KLK14: variants seen among roughly 807,000 people sequenced by gnomAD.
KLK14 encodes kallikrein-14.
Under a neutral mutation model 24.6 loss-of-function variants are expected in KLK14, and 21 were observed. The observed-to-expected ratio is 0.85, with a 90% confidence interval of 0.61 to 1.23. KLK14 has a LOEUF of 1.23. Ranked by LOEUF, KLK14 falls within the 50% of genes most tolerant of loss-of-function variation. KLK14 has a pLI of 0.00. For synonymous variants in KLK14, 133 were observed against 139.7 expected (o/e 0.95, Z 0.34); for missense variants, 320 against 338.9 (o/e 0.94, Z 0.44).
Position 51,082,814 on chromosome 19 carries a change from A to G in KLK14, c.-115T>C, listed in dbSNP as rs909755021. 1 of 1,571,666 alleles carries G rather than the reference A, an allele frequency of 6.4e-7. No homozygotes were observed. Among genetic ancestry groups the G allele is most frequent in the South Asian group, 1.1e-5 (1 of 88,100 alleles). On this transcript the variant is annotated 5_prime_UTR_variant, in exon 1 of 6. Transcript: ENST00000650543. ...GGGGCCTGCAGGCTCTGCGGGCGGC[A>G]GGTGGGAGGATGTGGAGCAGGGCAC...
rs1322425232 is a variant in KLK14 at position 51,078,798 on chromosome 19, C to T, written c.603+17G>A. On this transcript the variant is annotated intron_variant, in intron 5 of 5. Transcript: ENST00000650543. This position sits in a 1 kb window ranked among gnomAD's most constrained non-coding sequence, Gnocchi z 5.0. ...GTCCCAAATAATCCCTACCACAGCT[C>T]CCATCCTGGGCCTTACCTGACAAGA... 1.2e-6 allele frequency: 2 copies of T among 1,612,172 alleles called. No individual in the cohort carries two copies. The highest frequency in any genetic ancestry group is 2.2e-5 in the South Asian group (2 of 90,872).
At chr19:51,081,168 C>T (rs981075041) in intron 3 of KLK14, among the ~76,000 whole-genome samples, 3 of 152,176 alleles carry the variant, frequency 2.0e-5, no homozygotes, top group Non-Finnish European at 2.9e-5. Flanking sequence ...CTGAGTTCTA[C>T]GTAGTGTCCT....
Position 51,078,844 on chromosome 19 carries a change from C to G in KLK14, c.574G>C (p.Val192Leu). ...CAAGAGTCCTTCCCGCCCTGGGGAACTCCTGCACAGACCATGCCAGGCGTG... is the reference window on the plus strand; with the variant it reads ...CAAGAGTCCTTCCCGCCCTGGGGAAGTCCTGCACAGACCATGCCAGGCGTG... ...TITPGMVCAG[V>L]PQGGKDSCQG... Residue 192 changes from valine (V) to leucine (L), a missense_variant, in exon 5 of 6, where the codon GTT becomes CTT. Coordinates refer to ENST00000650543, the MANE Select transcript of KLK14 (RefSeq NM_001369775.2). This position sits in a 1 kb window ranked among gnomAD's most constrained non-coding sequence, Gnocchi z 5.0. 2 of 1,614,078 alleles carry G rather than the reference C, an allele frequency of 1.2e-6. No homozygotes were observed. Among genetic ancestry groups the G allele is most frequent in the Non-Finnish European group, 8.5e-7 (1 of 1,179,934 alleles).
intron 3 of KLK14, 55 bp downstream of exon 3, chr19:51,081,477 G>T: frequency 7.1e-7 from 1 of 1,400,888 alleles, no homozygotes; most frequent in South Asian, 1.6e-5. Context: ...CTCAGCTCTA[G>T]GGCTTTAGAC....
chr19:51,078,694 C>A lies in KLK14; in HGVS notation c.603+121G>T. 7.5e-7 allele frequency: 1 copy of A among 1,336,704 alleles called. No individual in the cohort carries two copies. Among genetic ancestry groups the A allele is most frequent in the South Asian group, 1.4e-5 (1 of 71,914 alleles). The allele number at this position is 1,336,704 out of a possible 1,614,324, so 82.8% of individuals were successfully genotyped here. A position where few individuals can be genotyped will look rare whatever the true frequency, so the allele number is the denominator to read the frequency against. On this transcript the variant is annotated intron_variant, in intron 5 of 5. Transcript: ENST00000650543. This position sits in a 1 kb window ranked among gnomAD's most constrained non-coding sequence, Gnocchi z 5.0. ...AGCAGGGTGGCCTGGCTATCGGAAT[C>A]TCTCTGTGCCTGCGGTTCACTCTCT...
chr19:51,077,760 TGGGTCTGAG>T (rs1430893402), downstream of KLK14: 3 of 244,972 alleles, frequency 1.2e-5, no homozygotes, highest in Non-Finnish European at 2.1e-5. Context: ...CCTGGACTCC[TGGGTCTGAG>T]GGAGGAGGGG....
chr19:51,078,903 T>C lies in KLK14; in HGVS notation c.515A>G (p.Asp172Gly). Residue 172 changes from aspartate (D) to glycine (G), a missense_variant, in exon 5 of 6, where the codon GAT (aspartate) becomes GGT (glycine). Physicochemically the swap from Asp to Gly is moderately conservative, Grantham distance 94. Transcript: ENST00000650543. This position sits in a 1 kb window ranked among gnomAD's most constrained non-coding sequence, Gnocchi z 5.0. ...AGGATAGGCCTTCTGGCACACCTCA[T>C]CCGGGGAGATGTTGATGTTCACGCA... ...LQCVNINISP[D>G]EVCQKAYPRT... The C allele has an allele frequency of 6.2e-7, 1 of 1,613,994 alleles. No homozygotes were observed. The highest frequency in any genetic ancestry group is 8.5e-7 in the Non-Finnish European group (1 of 1,179,940).
Position 51,081,654 on chromosome 19 carries a change from C to A in KLK14, c.90G>T (p.Thr30=). The change falls in exon 3 of 6, where the codon ACG becomes ACT. Residue 30 remains threonine (T), a synonymous_variant. Transcript: ENST00000650543. The part of the protein sequence containing the change: ...EDENKIIGGH[T]CTRSSQPWQA... ...GCCACGGCTGGGAGCTCCGGGTGCA[C>A]GTATGGCCACCAATTATCTTGTTCT... 4 of 1,552,310 alleles carry A rather than the reference C, an allele frequency of 2.6e-6. No individual in the cohort carries two copies. The highest frequency in any genetic ancestry group is 3.5e-6 in the Non-Finnish European group (4 of 1,147,194).
chr19:51,082,981 T>A (rs891552488), upstream of KLK14: 32 of 592,468 alleles, frequency 5.4e-5, no homozygotes, highest in Non-Finnish European at 8.3e-5. Flanking sequence ...TTTTTTTTTT[T>A]TTATTGCCTA....
At chr19:51,082,902 G>A (rs911217653), upstream of KLK14, 1 of 814,550 alleles carries the variant, frequency 1.2e-6, no homozygotes, top group Non-Finnish European at 2.0e-6. Context: ...TAGTCACACT[G>A]GCAAAGCCTT....
Position 51,078,308 on chromosome 19 carries a change from A to G in KLK14, c.604-149T>C. 1 of 860,220 alleles carries G rather than the reference A, an allele frequency of 1.2e-6. No individual in the cohort carries two copies. The highest frequency in any genetic ancestry group is 1.8e-6 in the Non-Finnish European group (1 of 570,570). 53.3% of individuals were successfully genotyped at this position (860,220 alleles called of 1,614,324 possible). On this transcript the variant is annotated intron_variant, in intron 5 of 5. Coordinates refer to ENST00000650543, the MANE Select transcript of KLK14 (RefSeq NM_001369775.2). The surrounding 1 kb of genome is among the most constrained non-coding windows in gnomAD (Gnocchi z 5.0). ...AGTCCTGCCCCAGCTCTGAGGTCTC[A>G]GCCCCGGAGGTCGGGGCACTTCCTT...
chr19:51,082,935 G>A, upstream of KLK14: 1 of 667,866 alleles, frequency 1.5e-6, no homozygotes, highest in Non-Finnish European at 2.5e-6. Flanking sequence ...AGGACAGCTG[G>A]CCCTGCCCCC....
chr19:51,079,657 C>G lies in KLK14; in HGVS notation c.258G>C (p.Glu86Asp). 6.3e-7 allele frequency: 1 copy of G among 1,588,356 alleles called. No homozygotes were observed. The highest frequency in any genetic ancestry group is 8.6e-7 in the Non-Finnish European group (1 of 1,167,040). Residue 86 changes from glutamate to aspartate, a missense_variant, in exon 4 of 6, where the codon GAG (glutamate) becomes GAC (aspartate). Physicochemically the swap from Glu to Asp is conservative, Grantham distance 45 (BLOSUM62 2). Transcript: ENST00000650543. ...ALGKHNLRRW[E>D]ATQQVLRVVR... ...CCACGCGCAGCACCTGCTGGGTGGC[C>G]TCCCACCTCCTCAGGTTGTGCTTGC...
rs906590936 is a variant in KLK14 at position 51,081,718 on chromosome 19, GA to G, written c.41-16del. 6.6e-7 allele frequency: 1 copy of G among 1,504,004 alleles called. No individual in the cohort carries two copies. The highest frequency in any genetic ancestry group is 1.4e-5 in the African/African-American group (1 of 71,322). 93.2% of individuals were successfully genotyped at this position (1,504,004 alleles called of 1,614,324 possible). A position where few individuals can be genotyped will look rare whatever the true frequency, so the allele number is the denominator to read the frequency against. On this transcript the variant is annotated splice_polypyrimidine_tract_variant and intron_variant, in intron 2 of 5. Coordinates refer to ENST00000650543, the MANE Select transcript of KLK14 (RefSeq NM_001369775.2). ...CTGTGTCATGGCTAGGAGTGGACAG[GA>G]TTGGGTGGGGAAAGTAGATGAGCAA...
upstream of KLK14, among the ~76,000 whole-genome samples, chr19:51,083,286 G>GGAGAGAGAGA (rs756954891): frequency 1.5e-5 from 2 of 133,376 alleles, no homozygotes; most frequent in African/African-American, 2.8e-5. Flanking sequence ...AGGGAGAGAG[G>GGAGAGAGAGA]GAGAGAGAGA....
At chr19:51,082,203 T>C (rs2235100) in intron 2 of KLK14, among the ~76,000 whole-genome samples, 43,513 of 150,602 alleles carry the variant, frequency 0.29, 8,290 homozygotes, top group African/African-American at 0.55. Context: ...GATCCCGCCA[T>C]CCCATCATCC....
At position 51,078,472 on chromosome 19, in the gene KLK14, A is replaced by G. The variant is rs1372133785; in HGVS notation, c.604-313T>C. ...TATTTCCCCATCTCTGCCTCCCTCAAGGATGCATTAAGATTTCTAGAAGCC... is the reference window on the plus strand; with the variant it reads ...TATTTCCCCATCTCTGCCTCCCTCAGGGATGCATTAAGATTTCTAGAAGCC... On this transcript the variant is annotated intron_variant, in intron 5 of 5. Transcript: ENST00000650543. This position sits in a 1 kb window ranked among gnomAD's most constrained non-coding sequence, Gnocchi z 5.0. Among the ~76,000 whole-genome samples, 1 of 152,060 alleles carries G rather than the reference A, an allele frequency of 6.6e-6. No homozygotes were observed. The highest frequency in any genetic ancestry group is 2.4e-5 in the African/African-American group (1 of 41,386).
At chr19:51,083,463 A>G (rs1285341361), upstream of KLK14, among the ~76,000 whole-genome samples, 1 of 151,618 alleles carries the variant, frequency 6.6e-6, no homozygotes, top group East Asian at 1.9e-4. Flanking sequence ...AGAAAGAGAG[A>G]GACAGAGACA....
At chr19:51,081,455 C>G in intron 3 of KLK14, 77 bp downstream of exon 3, 1 of 1,322,880 alleles carries the variant, frequency 7.6e-7, no homozygotes, top group South Asian at 1.8e-5. Flanking sequence ...ATACAGAGAT[C>G]CAGGTTCTCA....
Sources: gnomAD v4.1 joint callset for allele counts (sites outside exome capture counted in the v4.1 genomes callset) on GRCh38, gnomAD v4.1.1 for gene constraint, Gnocchi (gnomAD v3.1) non-coding constraint, MANE v1.5 for transcripts, NCBI Gene and HGNC (gene_info 2026-07-23, HGNC 2026-07-21) for gene names.